Variants in SPATS2 observed in about 807,000 individuals in gnomAD.
SPATS2 encodes the protein spermatogenesis-associated serine-rich protein 2.
SPATS2 carries 38 observed loss-of-function variants against 63.7 expected under a neutral mutation model. The observed-to-expected ratio is 0.60, with a 90% CI of 0.46 to 0.78. The LOEUF is 0.78. Ranked by LOEUF, SPATS2 falls within the 30% of genes least tolerant of loss-of-function variation. The probability of loss-of-function intolerance (pLI) is 0.00; values close to 1 mark genes in which losing one functional copy is unlikely to be tolerated. For missense variants in SPATS2, 588 were observed against 666.2 expected, an observed-to-expected ratio of 0.88 and a Z score of 1.29; for synonymous variants, 207 against 232.9, an observed-to-expected ratio of 0.89 and a Z score of 1.01.
chr12:49,496,355 C>T (rs996548775), intron 7 of SPATS2, among the ~76,000 whole-genome samples: 1 of 152,226 alleles, frequency 6.6e-6, no homozygotes, highest in Admixed American at 6.5e-5. Context: ...TCAAGTGATC[C>T]TTCTGCCTCA....
rs569496364 is a variant in SPATS2, at chr12:49,465,078, A to G, written c.25+4041A>G. Reference sequence around the variant, plus strand: ...CAGTAGTTTGCTCCTTTTTACTACTAAGTAGTCTTGTTATAACACATTTAT... The same window carrying G: ...CAGTAGTTTGCTCCTTTTTACTACTGAGTAGTCTTGTTATAACACATTTAT... On this transcript the variant is annotated intron_variant, in intron 3 of 13. Coordinates refer to ENST00000552918, the MANE Select transcript of SPATS2 (RefSeq NM_023071.4). Among the ~76,000 whole-genome samples the G allele has an allele frequency of 3.3e-5, 5 of 152,326 alleles. 1 individual carries two copies. The highest frequency in any genetic ancestry group is 2.1e-4 in the South Asian group (1 of 4,828).
At chr12:49,415,885 T>C (rs988567847) in intron 2 of SPATS2, among the ~76,000 whole-genome samples, 4 of 152,202 alleles carry the variant, frequency 2.6e-5, no homozygotes, top group African/African-American at 9.7e-5. Context: ...TTTGCTCATC[T>C]CTGTTTTAAG....
intron 2 of SPATS2, among the ~76,000 whole-genome samples, chr12:49,391,328 A>G (rs1944414637): frequency 6.6e-6 from 1 of 152,210 alleles, no homozygotes; most frequent in Non-Finnish European, 1.5e-5. Context: ...CCTGGCCAAC[A>G]TGGTGAAACC....
At chr12:49,505,571 G>A (rs1248168442) in intron 9 of SPATS2, among the ~76,000 whole-genome samples, 1 of 152,094 alleles carries the variant, frequency 6.6e-6, no homozygotes, top group Non-Finnish European at 1.5e-5. Context: ...TCAGTGTCAT[G>A]TCAGTGCTCA....
intron 9 of SPATS2, among the ~76,000 whole-genome samples, chr12:49,504,492 C>T (rs1592466276): frequency 6.6e-6 from 1 of 152,220 alleles, no homozygotes; most frequent in South Asian, 2.1e-4. Flanking sequence ...AATATATAAA[C>T]TCCTTTGGAA....
In SPATS2 at chr12:49,490,762, A is replaced by T. The variant is rs751673314; in HGVS notation, c.264+31A>T. 1.2e-5 allele frequency: 19 copies of T among 1,602,062 alleles called. No homozygotes were observed. In the African/African-American group the frequency reaches 2.4e-4, roughly 20 times the overall value. Reference sequence around the variant, plus strand: ...ATGAATTACATTTAAAAGCATGATGATGTGTATATTATTTTTAAAAATTTA... The same window carrying T: ...ATGAATTACATTTAAAAGCATGATGTTGTGTATATTATTTTTAAAAATTTA... On this transcript the variant is annotated intron_variant, in intron 6 of 13. Transcript: ENST00000552918.
intron 4 of SPATS2, 29 bp from the exon 5 acceptor site, chr12:49,489,436 G>C (rs1307974426): frequency 6.3e-7 from 1 of 1,593,056 alleles, no homozygotes; most frequent in East Asian, 2.2e-5. Context: ...ACTAATGTTA[G>C]AATTAAATGA....
rs557156423 is a variant in SPATS2, at chr12:49,432,840, T to C, written c.-243-27930T>C. Among the ~76,000 whole-genome samples, 37 of 152,342 alleles carry C rather than the reference T, an allele frequency of 2.4e-4. No homozygotes were observed. In the South Asian group the frequency reaches 7.2e-3, roughly 30 times the overall value. ...TCATCCTTTGATAGACACCGGTTGC[T>C]TTCACCTCTTTTCTGAATAATGCTA... On this transcript the variant is annotated intron_variant, in intron 2 of 13. Coordinates refer to ENST00000552918, the MANE Select transcript of SPATS2 (RefSeq NM_023071.4).
chr12:49,474,526 G>A (rs1333892020), intron 3 of SPATS2, among the ~76,000 whole-genome samples: 1 of 152,154 alleles, frequency 6.6e-6, no homozygotes, highest in Non-Finnish European at 1.5e-5. Flanking sequence ...GTTCTAAAAG[G>A]AATATCCAAA....
rs578173658 is a variant in SPATS2, at chr12:49,474,128, A to G, written c.26-10462A>G. Among the ~76,000 whole-genome samples, 7 of 152,340 alleles carry G rather than the reference A, an allele frequency of 4.6e-5. No individual in the cohort carries two copies. In the South Asian group the frequency reaches 1.4e-3, roughly 32 times the overall value. ...TCGTACCTGTGTTATATATCACCAT[A>G]ACTTTTTTTAAAAGGACATTTCATT... On this transcript the variant is annotated intron_variant, in intron 3 of 13. Transcript: ENST00000552918.
intron 2 of SPATS2, among the ~76,000 whole-genome samples, chr12:49,402,046 G>A (rs1029504732): frequency 6.6e-6 from 1 of 152,188 alleles, no homozygotes; most frequent in Non-Finnish European, 1.5e-5. Context: ...GTGCAAACAC[G>A]GCTCATCGCA....
At chr12:49,524,009 C>T (rs1471254046) in intron 12 of SPATS2, among the ~76,000 whole-genome samples, 1 of 151,820 alleles carries the variant, frequency 6.6e-6, no homozygotes, top group Non-Finnish European at 1.5e-5. Flanking sequence ...CATCATTAAT[C>T]CAGCTTAAAG....
intron 2 of SPATS2, among the ~76,000 whole-genome samples, chr12:49,380,872 A>G (rs551908307): frequency 4.0e-5 from 6 of 151,370 alleles, no homozygotes; most frequent in Admixed American, 3.9e-4. Flanking sequence ...GCTGGGTCAT[A>G]TAGTAATTCT....
intron 3 of SPATS2, chr12:49,463,461 A>C (rs2137693713): frequency 6.6e-6 from 1 of 151,910 alleles, no homozygotes; most frequent in African/African-American, 2.4e-5. Flanking sequence ...CTAAGTGCTT[A>C]CCAGTTTTGG....
At chr12:49,378,018 G>A (rs539930298) in intron 2 of SPATS2, among the ~76,000 whole-genome samples, 1 of 152,192 alleles carries the variant, frequency 6.6e-6, no homozygotes, top group East Asian at 1.9e-4. Context: ...TGACACCCAG[G>A]CTGGAGCACA....
At chr12:49,422,915 A>C (rs1945008216) in intron 2 of SPATS2, among the ~76,000 whole-genome samples, 1 of 152,096 alleles carries the variant, frequency 6.6e-6, no homozygotes, top group Non-Finnish European at 1.5e-5. Flanking sequence ...CTATTTAAAA[A>C]AAAAAAAAAA....
chr12:49,526,249 C>G lies in SPATS2; in HGVS notation c.1632C>G (p.Asn544Lys). Residue 544 changes from asparagine (N) to lysine (K), a missense_variant, in exon 14 of 14, where the codon AAC (asparagine) becomes AAG (lysine). Coordinates refer to ENST00000552918, the MANE Select transcript of SPATS2 (RefSeq NM_023071.4). ...KPRTSQTEAV[N>K]S ...GGACCTCTCAGACTGAAGCCGTGAA[C>G]TCTTGAGAGAAAATCCAGTTGGCCT... 3 of 1,604,174 alleles carry G rather than the reference C, an allele frequency of 1.9e-6. No homozygotes were observed. Among genetic ancestry groups the G allele is most frequent in the Non-Finnish European group, 2.6e-6 (3 of 1,175,246 alleles).
chr12:49,449,516 G>C (rs1945580576), intron 2 of SPATS2, among the ~76,000 whole-genome samples: 2 of 152,128 alleles, frequency 1.3e-5, no homozygotes, highest in South Asian at 4.1e-4. Context: ...GCCTGGCCCA[G>C]TCTGGGTTTT....
intron 3 of SPATS2, among the ~76,000 whole-genome samples, chr12:49,473,656 C>G (rs1565739715): frequency 6.6e-6 from 1 of 152,180 alleles, no homozygotes; most frequent in African/African-American, 2.4e-5. Context: ...CCCAGTTGCC[C>G]ATCACTAGCA....
Sources: allele counts gnomAD v4.1 joint callset (sites outside exome capture counted in the v4.1 genomes callset), GRCh38; gene constraint gnomAD v4.1.1; transcripts MANE v1.5; gene names NCBI Gene and HGNC (gene_info 2026-07-23, HGNC 2026-07-21).